SMARCAL1: variants seen among roughly 807,000 people sequenced by gnomAD.
SMARCAL1 encodes ATP-driven annealing helicase.
A neutral mutation model predicts 94.5 loss-of-function variants in SMARCAL1; 58 were observed. That is an observed-to-expected ratio of 0.61 (90% CI 0.50 to 0.76). The LOEUF (loss-of-function observed/expected upper bound fraction) is 0.76, where lower values mean the gene tolerates loss of function less well. Among genes scored for constraint, SMARCAL1 ranks in the 30% least tolerant of loss-of-function variants. The pLI is 0.00. For missense variants in SMARCAL1, 1,051 were observed against 1,177.9 expected, an observed-to-expected ratio of 0.89 and a Z score of 1.58; for synonymous variants, 422 against 455.1, an observed-to-expected ratio of 0.93 and a Z score of 0.93.
chr2:216,458,383 A>G (rs977471121), intron 12 of SMARCAL1, among the ~76,000 whole-genome samples: 1 of 152,234 alleles, frequency 6.6e-6, no homozygotes, highest in African/African-American at 2.4e-5. Flanking sequence ...CACAACAAAA[A>G]AAGAATTTTA....
chr2:216,448,121 C>T (rs1321919163), intron 11 of SMARCAL1, among the ~76,000 whole-genome samples: 1 of 152,194 alleles, frequency 6.6e-6, no homozygotes. Flanking sequence ...TAGTCCTTAG[C>T]ATAGTTAATT....
At position 216,439,048 on chromosome 2, in the gene SMARCAL1, C is replaced by G. The variant is rs532823507; in HGVS notation, c.1710+563C>G. On this transcript the variant is annotated intron_variant, in intron 10 of 17. Coordinates refer to ENST00000357276, the MANE Select transcript of SMARCAL1 (RefSeq NM_014140.4). ...CTAAGATGGGCCTTAAAAGCTGATA[C>G]TGTTTTCTGTGGCTACCCTGAGCCT... 5.9e-5 allele frequency among the ~76,000 whole-genome samples: 9 copies of G among 152,260 alleles called. No homozygotes were observed. In the South Asian group the frequency reaches 1.2e-3, roughly 21 times the overall value.
At chr2:216,415,648 C>T in intron 3 of SMARCAL1, 133 bp downstream of exon 3, 2 of 858,596 alleles carry the variant, frequency 2.3e-6, no homozygotes, top group South Asian at 1.6e-5. Context: ...AAAAATTTTT[C>T]AATTTTAGCT....
chr2:216,423,290 C>T (rs369959378), intron 5 of SMARCAL1, among the ~76,000 whole-genome samples: 25 of 152,190 alleles, frequency 1.6e-4, no homozygotes, highest in African/African-American at 5.8e-4. Context: ...GGGCTGAATG[C>T]GAATGCTGCA....
chr2:216,439,673 A>G (rs1188603271), intron 10 of SMARCAL1, among the ~76,000 whole-genome samples: 1 of 152,192 alleles, frequency 6.6e-6, no homozygotes. Context: ...CACTCATTTC[A>G]AGTTTTCATG....
At chr2:216,473,066 T>A (rs1695000849) in intron 14 of SMARCAL1, among the ~76,000 whole-genome samples, 1 of 152,144 alleles carries the variant, frequency 6.6e-6, no homozygotes, top group Non-Finnish European at 1.5e-5. Context: ...ACATAATGTG[T>A]ACAATTAATG....
At chr2:216,439,283 C>T (rs1333602503) in intron 10 of SMARCAL1, among the ~76,000 whole-genome samples, 4 of 151,906 alleles carry the variant, frequency 2.6e-5, no homozygotes, top group Non-Finnish European at 2.9e-5. Flanking sequence ...TCTTAGTCCC[C>T]CATCCCAACA....
At chr2:216,430,891 C>G (rs1239977579) in intron 7 of SMARCAL1, among the ~76,000 whole-genome samples, 1 of 152,226 alleles carries the variant, frequency 6.6e-6, no homozygotes, top group Non-Finnish European at 1.5e-5. Flanking sequence ...GCCCTCCCCC[C>G]ATCTGTCTGT....
At chr2:216,466,984 G>A (rs1175257091) in intron 13 of SMARCAL1, among the ~76,000 whole-genome samples, 3 of 152,058 alleles carry the variant, frequency 2.0e-5, no homozygotes, top group Admixed American at 6.6e-5. Flanking sequence ...CTGTCCAGAC[G>A]CACCCATGGC....
At chr2:216,478,901 G>A (rs1264809656) in intron 17 of SMARCAL1, 1 of 168,440 alleles carries the variant, frequency 5.9e-6, no homozygotes, top group African/African-American at 2.4e-5. Context: ...ATCCCTCCAT[G>A]ACCAGGCAGG....
intron 14 of SMARCAL1, among the ~76,000 whole-genome samples, chr2:216,469,092 A>G (rs1694899986): frequency 6.6e-6 from 1 of 152,038 alleles, no homozygotes; most frequent in Non-Finnish European, 1.5e-5. Flanking sequence ...CTCTCCAGCA[A>G]TAACATCACT....
Position 216,438,174 on chromosome 2 carries a change from G to A in SMARCAL1, c.1645-246G>A, listed in dbSNP as rs116559712. Among the ~76,000 whole-genome samples, 723 of 152,332 alleles carry A rather than the reference G, an allele frequency of 4.7e-3. 7 individuals carry two copies. Among genetic ancestry groups the A allele is most frequent in the African/African-American group, 0.017 (700 of 41,590 alleles). Reference sequence around the variant, plus strand: ...TGAGGTGGGCGGAGCAGGGATTCATGAATCCCACTTTATAGATGGAAAATT... The same window carrying A: ...TGAGGTGGGCGGAGCAGGGATTCATAAATCCCACTTTATAGATGGAAAATT... On this transcript the variant is annotated intron_variant, in intron 9 of 17. Transcript: ENST00000357276.
At chr2:216,476,794 G>A (rs1192013822) in intron 15 of SMARCAL1, among the ~76,000 whole-genome samples, 3 of 152,176 alleles carry the variant, frequency 2.0e-5, no homozygotes, top group African/African-American at 7.2e-5. Flanking sequence ...GCAGCCTGAT[G>A]GCAGAGCCTG....
chr2:216,477,344 A>G (rs762447558), intron 16 of SMARCAL1, 135 bp downstream of exon 16: 3 of 732,078 alleles, frequency 4.1e-6, no homozygotes, highest in East Asian at 2.7e-5. Context: ...TTGACTAGTG[A>G]TGCCCTCCTG....
In SMARCAL1 at chr2:216,435,454, G is replaced by C; in HGVS notation, c.1602G>C (p.Lys534Asn). The C allele has an allele frequency of 6.2e-7, 1 of 1,614,184 alleles. No homozygotes were observed. Among genetic ancestry groups the C allele is most frequent in the Non-Finnish European group, 8.5e-7 (1 of 1,180,018 alleles). ...TTGTCAGCTTTGACCTTCTTAGCAAGTTGGAAAAACAGCTAAAAACCCCTT... is the reference window on the plus strand; with the variant it reads ...TTGTCAGCTTTGACCTTCTTAGCAACTTGGAAAAACAGCTAAAAACCCCTT... ...INIVSFDLLS[K>N]LEKQLKTPFK... is the part of the protein sequence containing the mutation. Residue 534 changes from lysine (K) to asparagine (N), a missense_variant, in exon 9 of 18, where the codon AAG becomes AAC. By Grantham distance (94) the Lys-to-Asn change is moderately conservative. Around this residue, in one of 3 missense-constraint regions of SMARCAL1, gnomAD observed 642 missense variants for 754.7 expected, o/e 0.85. Coordinates refer to ENST00000357276, the MANE Select transcript of SMARCAL1 (RefSeq NM_014140.4).
Position 216,415,465 on chromosome 2 carries a change from A to C in SMARCAL1, c.761A>C (p.Tyr254Ser), listed in dbSNP as rs368040473. 6.2e-7 allele frequency: 1 copy of C among 1,614,194 alleles called. No individual in the cohort carries two copies. The highest frequency in any genetic ancestry group is 8.5e-7 in the Non-Finnish European group (1 of 1,180,044). ...NGDRFQVLIG[Y>S]NAELIAVFKT... ...GATCGTTTCCAGGTGTTGATTGGGT[A>C]CAATGCGGAACTCATTGCAGTGTTT... is the stretch of plus-strand genomic sequence containing the variant. Residue 254 changes from tyrosine (Y) to serine (S), a missense_variant, in exon 3 of 18, where the codon TAC becomes TCC. Physicochemically the swap from Tyr to Ser is moderately radical, Grantham distance 144. Transcript: ENST00000357276.
At chr2:216,480,990 C>G (rs1695182941) in intron 17 of SMARCAL1, among the ~76,000 whole-genome samples, 1 of 152,014 alleles carries the variant, frequency 6.6e-6, no homozygotes, top group Admixed American at 6.6e-5. Context: ...TGATGTGGCC[C>G]AAGTAAAGAT....
chr2:216,433,876 C>T (rs1358541405), intron 8 of SMARCAL1, among the ~76,000 whole-genome samples: 2 of 151,400 alleles, frequency 1.3e-5, no homozygotes, highest in African/African-American at 4.9e-5. Context: ...CCTCCTACTG[C>T]CGGTCAGTCC....
At chr2:216,463,181 T>G (rs1694744507) in intron 12 of SMARCAL1, among the ~76,000 whole-genome samples, 1 of 152,186 alleles carries the variant, frequency 6.6e-6, no homozygotes, top group Non-Finnish European at 1.5e-5. Flanking sequence ...GTCCTGTCAG[T>G]CACAGATCTT....
Sources: gnomAD v4.1 joint callset for allele counts (sites outside exome capture counted in the v4.1 genomes callset) on GRCh38, gnomAD v4.1.1 for gene constraint, gnomAD v4.1.1 regional missense constraint, MANE v1.5 for transcripts, NCBI Gene and HGNC (gene_info 2026-07-23, HGNC 2026-07-21) for gene names.